LHFPL3: variants seen among roughly 807,000 people sequenced by gnomAD.
LHFPL3 encodes the protein LHFPL tetraspan subfamily member 3.
In LHFPL3, 5 loss-of-function variants were observed where a neutral mutation model predicts 19.3. The observed-to-expected ratio is 0.26, with a 90% CI of 0.14 to 0.54. LHFPL3 has a LOEUF of 0.54. LHFPL3 is among the 20% of genes least tolerant of loss of function. The pLI is 0.94. For synonymous variants in LHFPL3, 133 were observed against 126.2 expected (o/e 1.05, Z -0.36); for missense variants, 249 against 307.4 (o/e 0.81, Z 1.42).
intron 1 of LHFPL3, among the ~76,000 whole-genome samples, chr7:104,457,187 T>C (rs112293685): frequency 1.3e-5 from 2 of 152,116 alleles, no homozygotes; most frequent in African/African-American, 4.8e-5. Flanking sequence ...GTTACATATG[T>C]ATACATGTGC....
chr7:104,820,987 C>T (rs1790665540), intron 2 of LHFPL3, among the ~76,000 whole-genome samples: 1 of 152,112 alleles, frequency 6.6e-6, no homozygotes, highest in Admixed American at 6.6e-5. Flanking sequence ...CTGCGTTTCC[C>T]CTCCCCCTAG....
At chr7:104,617,299 C>A (rs1791365689) in intron 1 of LHFPL3, among the ~76,000 whole-genome samples, 1 of 151,886 alleles carries the variant, frequency 6.6e-6, no homozygotes, top group Admixed American at 6.6e-5. Flanking sequence ...TTCTAGCCAC[C>A]AAGAAGGAAT....
intron 1 of LHFPL3, among the ~76,000 whole-genome samples, chr7:104,477,641 A>G (rs981611274): frequency 6.6e-6 from 1 of 152,092 alleles, no homozygotes; most frequent in South Asian, 2.1e-4. Context: ...AAAAATAACT[A>G]TTGGGTACTA....
chr7:104,837,873 A>ATTAT (rs1791127436), intron 2 of LHFPL3, among the ~76,000 whole-genome samples: 1 of 152,234 alleles, frequency 6.6e-6, no homozygotes, highest in South Asian at 2.1e-4. Flanking sequence ...TTTGATAGAC[A>ATTAT]TTATTAGACG....
intron 1 of LHFPL3, among the ~76,000 whole-genome samples, chr7:104,398,123 C>G (rs941156116): frequency 1.3e-5 from 2 of 151,116 alleles, no homozygotes; most frequent in Non-Finnish European, 2.9e-5. Flanking sequence ...AGAAAGATCA[C>G]ACCTACGTAA....
chr7:104,744,560 A>G (rs1191502288), intron 2 of LHFPL3, among the ~76,000 whole-genome samples: 2 of 152,104 alleles, frequency 1.3e-5, no homozygotes, highest in Non-Finnish European at 2.9e-5. Context: ...GCCCTTATAG[A>G]ATTGTCTTAT....
chr7:104,701,200 C>T (rs896357862), intron 1 of LHFPL3, among the ~76,000 whole-genome samples: 2 of 152,108 alleles, frequency 1.3e-5, no homozygotes, highest in East Asian at 1.9e-4. Flanking sequence ...TCTAGTGTTG[C>T]TGATAAGCCT....
intron 1 of LHFPL3, among the ~76,000 whole-genome samples, chr7:104,593,004 T>A (rs940334511): frequency 2.6e-5 from 4 of 151,344 alleles, no homozygotes; most frequent in Non-Finnish European, 5.9e-5. Flanking sequence ...GATTCATTGA[T>A]TTTTTTTGAA....
intron 1 of LHFPL3, among the ~76,000 whole-genome samples, chr7:104,459,415 T>G (rs1792613862): frequency 6.6e-6 from 1 of 152,202 alleles, no homozygotes; most frequent in African/African-American, 2.4e-5. Context: ...CTGAATCTTC[T>G]TCAGAGGAGT....
intron 1 of LHFPL3, among the ~76,000 whole-genome samples, chr7:104,580,737 AT>A (rs966297392): frequency 3.3e-5 from 5 of 151,888 alleles, no homozygotes; most frequent in African/African-American, 7.3e-5. Context: ...ACTTGTCTTG[AT>A]TTTTTTCCAC....
chr7:104,556,699 T>A (rs573127203), intron 1 of LHFPL3, among the ~76,000 whole-genome samples: 1 of 152,352 alleles, frequency 6.6e-6, no homozygotes, highest in East Asian at 1.9e-4. Flanking sequence ...CTTACACAAG[T>A]TTCTGCAGCC....
chr7:104,578,890 T>G (rs1412534267), intron 1 of LHFPL3, among the ~76,000 whole-genome samples: 2 of 152,070 alleles, frequency 1.3e-5, no homozygotes, highest in Middle Eastern at 3.2e-3. Context: ...CTTCTAAAAT[T>G]AAGGTAAAAT....
intron 1 of LHFPL3, 30 bp downstream of exon 1, chr7:104,329,254 G>T: frequency 6.4e-7 from 1 of 1,566,308 alleles, no homozygotes; most frequent in South Asian, 1.2e-5. Context: ...CGCGGAGGCG[G>T]AGGACCCCGG....
intron 1 of LHFPL3, among the ~76,000 whole-genome samples, chr7:104,715,685 A>C (rs573866577): frequency 1.3e-5 from 2 of 152,224 alleles, no homozygotes; most frequent in South Asian, 4.1e-4. Flanking sequence ...TTATTGTGGC[A>C]TATCACATTG....
At chr7:104,428,938 A>G (rs1447304091) in intron 1 of LHFPL3, among the ~76,000 whole-genome samples, 1 of 152,176 alleles carries the variant, frequency 6.6e-6, no homozygotes, top group African/African-American at 2.4e-5. Flanking sequence ...TGTCAGGGTT[A>G]GGTTCAAAAT....
chr7:104,652,663 T>TGAG (rs1792053147), intron 1 of LHFPL3, among the ~76,000 whole-genome samples: 1 of 151,408 alleles, frequency 6.6e-6, no homozygotes, highest in Non-Finnish European at 1.5e-5. Flanking sequence ...TGCTGGAGAT[T>TGAG]GAGGAGGAGG....
chr7:104,608,493 T>C (rs1382390398), intron 1 of LHFPL3, among the ~76,000 whole-genome samples: 1 of 95,376 alleles, frequency 1.0e-5, no homozygotes, highest in African/African-American at 4.2e-5. Context: ...CCGGGGACTG[T>C]TGTGGGGTGG....
intron 1 of LHFPL3, among the ~76,000 whole-genome samples, chr7:104,572,356 G>A (rs1790245733): frequency 6.6e-6 from 1 of 152,184 alleles, no homozygotes; most frequent in African/African-American, 2.4e-5. Context: ...GAGCAAGAGA[G>A]AAATATGAAT....
chr7:104,843,137 G>A (rs1791246567), intron 2 of LHFPL3, among the ~76,000 whole-genome samples: 1 of 152,248 alleles, frequency 6.6e-6, no homozygotes, highest in African/African-American at 2.4e-5. Context: ...GACATAGTGA[G>A]AGGCTGCCCA....
Sources: gnomAD v4.1 joint callset for allele counts (sites outside exome capture counted in the v4.1 genomes callset) on GRCh38, gnomAD v4.1.1 for gene constraint, MANE v1.5 for transcripts, NCBI Gene and HGNC (gene_info 2026-07-23, HGNC 2026-07-21) for gene names.